Variants in RTTN observed in about 807,000 individuals in gnomAD.
The protein encoded by RTTN is rotatin.
A neutral mutation model predicts 269.2 loss-of-function variants in RTTN; 182 were observed. That is an observed-to-expected ratio of 0.68 (90% CI 0.60 to 0.76). The LOEUF (loss-of-function observed/expected upper bound fraction) is 0.76, where lower values mean the gene tolerates loss of function less well. Ranked by LOEUF, RTTN falls within the 30% of genes least tolerant of loss-of-function variation. The pLI is 0.00. For missense variants in RTTN, 2,545 were observed against 2,608.6 expected, an observed-to-expected ratio of 0.98 and a Z score of 0.53; for synonymous variants, 1,006 against 963.5, an observed-to-expected ratio of 1.04 and a Z score of -0.82.
intron 32 of RTTN, among the ~76,000 whole-genome samples, chr18:70,078,282 A>G (rs1279906082): frequency 6.6e-6 from 1 of 151,986 alleles, no homozygotes; most frequent in Non-Finnish European, 1.5e-5. Flanking sequence ...TCTTCACCAA[A>G]CATATGGTAA....
intron 23 of RTTN, chr18:70,130,744 T>A (rs1162614732): frequency 6.6e-6 from 1 of 151,792 alleles, no homozygotes; most frequent in African/African-American, 2.4e-5. Flanking sequence ...TAAAAATAGT[T>A]AACAGTAATT....
intron 32 of RTTN, among the ~76,000 whole-genome samples, chr18:70,078,222 G>A (rs970417423): frequency 1.3e-5 from 2 of 151,982 alleles, no homozygotes; most frequent in African/African-American, 4.8e-5. Flanking sequence ...CTTCTCATCA[G>A]TAGCACTGGA....
intron 25 of RTTN, 68 bp downstream of exon 25, chr18:70,127,426 CTTCAAAGG>C: frequency 6.5e-7 from 1 of 1,526,952 alleles, no homozygotes; most frequent in Admixed American, 1.9e-5. Context: ...AGACTCTTAT[CTTCAAAGG>C]TTAGGAGATG....
At chr18:70,042,638 C>T (rs1407214685) in intron 40 of RTTN, among the ~76,000 whole-genome samples, 1 of 152,146 alleles carries the variant, frequency 6.6e-6, no homozygotes, top group African/African-American at 2.4e-5. Flanking sequence ...AGCCTCCCAA[C>T]GTGCTGGGAT....
intron 26 of RTTN, among the ~76,000 whole-genome samples, chr18:70,115,978 GT>G (rs979717726): frequency 1.3e-5 from 2 of 151,848 alleles, no homozygotes; most frequent in African/African-American, 2.4e-5. Flanking sequence ...CATCTAAATA[GT>G]TTTTTTCCCA....
In RTTN at chr18:70,029,991, T is replaced by G. The variant is rs936735602; in HGVS notation, c.5745+21A>C. 1.1e-5 allele frequency: 17 copies of G among 1,562,344 alleles called. No homozygotes were observed. The South Asian group carries it at 1.8e-4, about 16-fold the overall frequency. ...GAGAATGGTCTCTATATATAGCCAT[T>G]CATTTATCCCAGAATGTTACCTTTT... On this transcript the variant is annotated intron_variant, in intron 42 of 48. Transcript: ENST00000640769.
intron 10 of RTTN, among the ~76,000 whole-genome samples, chr18:70,186,092 A>C (rs2061539546): frequency 6.6e-6 from 1 of 152,028 alleles, no homozygotes; most frequent in Non-Finnish European, 1.5e-5. Flanking sequence ...AAAAAAAAAA[A>C]AAAACTGAAC....
At chr18:70,119,553 G>A (rs760151519) in intron 26 of RTTN, among the ~76,000 whole-genome samples, 9 of 152,060 alleles carry the variant, frequency 5.9e-5, no homozygotes, top group East Asian at 3.9e-4. Flanking sequence ...CAATTGTGGC[G>A]GAGAACCAGC....
At chr18:70,104,804 G>C (rs1215164601) in intron 28 of RTTN, among the ~76,000 whole-genome samples, 1 of 152,200 alleles carries the variant, frequency 6.6e-6, no homozygotes, top group Non-Finnish European at 1.5e-5. Flanking sequence ...GGAGGCTGCA[G>C]AAGAGCAAAT....
chr18:70,129,437 C>T (rs556885174), intron 23 of RTTN: 2 of 151,784 alleles, frequency 1.3e-5, no homozygotes, highest in Middle Eastern at 3.4e-3. Flanking sequence ...AACAGACACA[C>T]AGACCAATAA....
At position 70,128,676 on chromosome 18, in the gene RTTN, T is replaced by C. The variant is rs1369073236; in HGVS notation, c.2955-130A>G. On this transcript the variant is annotated intron_variant, in intron 23 of 48. Coordinates refer to ENST00000640769, the MANE Select transcript of RTTN (RefSeq NM_173630.4). ...TAATGCAAAGGTTTCTCTTAGTCCCTATTTTAAACAATTATCATAATTTAT... is the reference window on the plus strand; with the variant it reads ...TAATGCAAAGGTTTCTCTTAGTCCCCATTTTAAACAATTATCATAATTTAT... The C allele has an allele frequency of 5.0e-5, 33 of 659,596 alleles. 1 individual carries two copies. In the East Asian group the frequency reaches 8.8e-4, roughly 17 times the overall value. The allele number at this position is 659,596 out of a possible 1,614,324, so 40.9% of individuals were successfully genotyped here.
Position 70,190,849 on chromosome 18 carries a change from C to T in RTTN, c.1008-130G>A, listed in dbSNP as rs80320654. 1,011 of 577,388 alleles carry T rather than the reference C, an allele frequency of 1.8e-3. 9 individuals are homozygous for T. The highest frequency in any genetic ancestry group is 0.017 in the African/African-American group (914 of 53,684). 35.8% of individuals were successfully genotyped at this position (577,388 alleles called of 1,614,324 possible). On this transcript the variant is annotated intron_variant, in intron 8 of 48. Coordinates refer to ENST00000640769, the MANE Select transcript of RTTN (RefSeq NM_173630.4). The stretch of plus-strand genomic sequence containing the variant: ...CTCTACTGCTTCATTCAACTCTGGT[C>T]AGATTTGTAGAAACTTTGACAAATT...
chr18:70,176,834 T>C lies in RTTN; in HGVS notation c.1317A>G (p.Leu439=), dbSNP rs1186873674. ...CTCCAAGGGCTCCCAACACCAGGAGTAGTTTCTCCTTCTGAAAACATTTAC... is the reference window on the plus strand; with the variant it reads ...CTCCAAGGGCTCCCAACACCAGGAGCAGTTTCTCCTTCTGAAAACATTTAC... ...SLFGIDMKEK[L]LLVLGALGET... The change falls in exon 11 of 49, where the codon CTA becomes CTG. Residue 439 remains leucine (L), a synonymous_variant. Coordinates refer to ENST00000640769, the MANE Select transcript of RTTN (RefSeq NM_173630.4). The C allele has an allele frequency of 2.5e-6, 4 of 1,612,140 alleles. No homozygotes were observed. Among genetic ancestry groups the C allele is most frequent in the East Asian group, 2.2e-5 (1 of 44,808 alleles).
chr18:70,160,279 A>G (rs1235912537), intron 14 of RTTN, among the ~76,000 whole-genome samples: 1 of 152,138 alleles, frequency 6.6e-6, no homozygotes, highest in African/African-American at 2.4e-5. Flanking sequence ...TTGATTCAAC[A>G]TATGCAAATC....
intron 25 of RTTN, among the ~76,000 whole-genome samples, chr18:70,123,085 C>G (rs1385406170): frequency 6.6e-6 from 1 of 152,010 alleles, no homozygotes; most frequent in Non-Finnish European, 1.5e-5. Flanking sequence ...GCATTTTAGT[C>G]TAGAGGAGAA....
At chr18:70,174,147 TAAA>T (rs10711584) in intron 11 of RTTN, among the ~76,000 whole-genome samples, 13,725 of 142,308 alleles carry the variant, frequency 0.096, 1,110 homozygotes, top group African/African-American at 0.22. Flanking sequence ...TATGAAAGTT[TAAA>T]AAAAAAAAAA....
chr18:70,043,356 C>T (rs1287586993), intron 40 of RTTN, among the ~76,000 whole-genome samples: 4 of 151,994 alleles, frequency 2.6e-5, no homozygotes, highest in East Asian at 1.9e-4. Context: ...ATACCATTCA[C>T]GCTGCCTATT....
At chr18:70,147,087 T>G (rs142887080) in intron 17 of RTTN, among the ~76,000 whole-genome samples, 77 of 152,348 alleles carry the variant, frequency 5.1e-4, no homozygotes, top group African/African-American at 1.8e-3. Context: ...AGCATGTATT[T>G]ATGCATCTTG....
chr18:70,023,494 C>T (rs1369011574), intron 44 of RTTN, among the ~76,000 whole-genome samples: 2 of 152,228 alleles, frequency 1.3e-5, no homozygotes, highest in Non-Finnish European at 2.9e-5. Context: ...TACTTTCTCA[C>T]TTCAAGTCTG....
Sources: allele counts gnomAD v4.1 joint callset (sites outside exome capture counted in the v4.1 genomes callset), GRCh38; gene constraint gnomAD v4.1.1; transcripts MANE v1.5; gene names NCBI Gene and HGNC (gene_info 2026-07-23, HGNC 2026-07-21).